KDM1B: variants seen among roughly 807,000 people sequenced by gnomAD.
KDM1B encodes lysine-specific histone demethylase 2.
Under a neutral mutation model 107.4 loss-of-function variants are expected in KDM1B, and 63 were observed. The ratio of observed to expected loss-of-function variants is 0.59; its 90% confidence interval spans 0.48 to 0.72. The LOEUF is 0.72. KDM1B is among the 30% of genes least tolerant of loss of function. KDM1B has a pLI of 0.00. For synonymous variants in KDM1B, 363 were observed against 363.9 expected (o/e 1.00, Z 0.03); for missense variants, 749 against 1,020.8 (o/e 0.73, Z 3.63).
rs146349701 is a variant in KDM1B at position 18,208,190 on chromosome 6, G to A, written c.1850G>A (p.Gly617Glu). The A allele has an allele frequency of 5.6e-6, 9 of 1,613,226 alleles. No individual in the cohort carries two copies. In the South Asian group the frequency reaches 7.7e-5, roughly 14 times the overall value. ...CAGGTTACCACTACAGATGGCACAG[G>A]GTATTCTGCACAAAAGGTAAGAGCT... ...EVQVTTTDGT[G>E]YSAQKVLVTV... The change falls in exon 17 of 22, where the codon GGG becomes GAG. Residue 617 changes from glycine to glutamate, a missense_variant. Physicochemically the swap from Gly to Glu is moderately conservative, Grantham distance 98. Transcript: ENST00000650836.
Position 18,207,458 on chromosome 6 carries a change from C to G in KDM1B, c.1720C>G (p.Leu574Val), listed in dbSNP as rs1343868573. ...FFAQFAGDHT[L>V]LTPGYSVIIE... ...TGCCCAGTTTGCTGGTGACCACACT[C>G]TGCTAACTCCCGGGTACTCGGTGAT... The change falls in exon 16 of 22, where the codon CTG becomes GTG. Residue 574 changes from leucine (L) to valine (V), a missense_variant. By Grantham distance (32) the Leu-to-Val change is conservative. Coordinates refer to ENST00000650836, the MANE Select transcript of KDM1B (RefSeq NM_001364614.2). 1 of 1,614,128 alleles carries G rather than the reference C, an allele frequency of 6.2e-7. No individual in the cohort carries two copies. The highest frequency in any genetic ancestry group is 8.5e-7 in the Non-Finnish European group (1 of 1,180,046).
chr6:18,188,139 C>G, intron 9 of KDM1B, 137 bp downstream of exon 9: 1 of 777,494 alleles, frequency 1.3e-6, no homozygotes, highest in Non-Finnish European at 2.1e-6. Context: ...AATCCCAGCA[C>G]TTTGGGTGGC....
In KDM1B at chr6:18,166,396, C is replaced by G. The variant is rs1554141049; in HGVS notation, c.417+18C>G. 4 of 1,421,158 alleles carry G rather than the reference C, an allele frequency of 2.8e-6. No homozygotes were observed. Among genetic ancestry groups the G allele is most frequent in the Non-Finnish European group, 4.0e-6 (4 of 1,004,840 alleles). 88.0% of individuals were successfully genotyped at this position (1,421,158 alleles called of 1,614,324 possible). ...CCTACTGGGTAAGGAGAGTGATGCT[C>G]TCTGTCTGTGAAGTATTTGTGGAGC... is the stretch of plus-strand genomic sequence containing the variant. On this transcript the variant is annotated intron_variant, in intron 6 of 21. Coordinates refer to ENST00000650836, the MANE Select transcript of KDM1B (RefSeq NM_001364614.2).
Position 18,159,199 on chromosome 6 carries a change from C to T in KDM1B, c.-13-684C>T, listed in dbSNP as rs1424666506. Reference sequence around the variant, plus strand: ...GTCAGACTGGTCTCGAACTCCTGACCTCATGATCCGCCTGCCTGGGCCTTG... The same window carrying T: ...GTCAGACTGGTCTCGAACTCCTGACTTCATGATCCGCCTGCCTGGGCCTTG... On this transcript the variant is annotated intron_variant, in intron 2 of 21. Transcript: ENST00000650836. This position sits in a 1 kb window ranked among gnomAD's most constrained non-coding sequence, Gnocchi z 4.5. Among the ~76,000 whole-genome samples the T allele has an allele frequency of 1.3e-5, 2 of 152,158 alleles. No individual in the cohort carries two copies. Among genetic ancestry groups the T allele is most frequent in the Non-Finnish European group, 2.9e-5 (2 of 68,022 alleles).
chr6:18,207,602 A>C lies in KDM1B; in HGVS notation c.1791+73A>C, dbSNP rs531203720. 3.8e-6 allele frequency: 6 copies of C among 1,580,992 alleles called. 1 individual carries two copies. In the South Asian group the frequency reaches 5.6e-5, roughly 15 times the overall value. On this transcript the variant is annotated intron_variant, in intron 16 of 21. Transcript: ENST00000650836. ...ATGTGAAGTTCTGGGCATGCGGCTC[A>C]CGCAGGAGAATGGGGCTGGCTTTGG...
intron 3 of KDM1B, among the ~76,000 whole-genome samples, chr6:18,160,738 A>C (rs1384432521): frequency 5.0e-5 from 3 of 59,688 alleles, no homozygotes; most frequent in Admixed American, 4.6e-4. Context: ...ACTCTGTCTC[A>C]AAAAAAAAAA....
rs1292619008 is a variant in KDM1B, at chr6:18,212,522, A to C, written c.1901A>C (p.Lys634Thr). 29 of 1,614,072 alleles carry C rather than the reference A, an allele frequency of 1.8e-5. No individual in the cohort carries two copies. The highest frequency in any genetic ancestry group is 1.6e-4 in the Middle Eastern group (1 of 6,062). Residue 634 changes from lysine (K) to threonine (T), a missense_variant, in exon 18 of 22, where the codon AAA becomes ACA. Coordinates refer to ENST00000650836, the MANE Select transcript of KDM1B (RefSeq NM_001364614.2). The surrounding 1 kb of genome is among the most constrained non-coding windows in gnomAD (Gnocchi z 5.2). ...LVTVPLALLQ[K>T]GAIQFNPPLS... ...ACTGTACCACTGGCTTTACTACAGAAAGGTGCCATTCAGTTTAATCCACCG... is the reference window on the plus strand; with the variant it reads ...ACTGTACCACTGGCTTTACTACAGACAGGTGCCATTCAGTTTAATCCACCG...
Position 18,212,460 on chromosome 6 carries a change from T to C in KDM1B, c.1867-28T>C, listed in dbSNP as rs1788916813. On this transcript the variant is annotated intron_variant, in intron 17 of 21. Coordinates refer to ENST00000650836, the MANE Select transcript of KDM1B (RefSeq NM_001364614.2). This position sits in a 1 kb window ranked among gnomAD's most constrained non-coding sequence, Gnocchi z 5.2. ...TAGTGTGAGGTTCTGTTGCTGTTTG[T>C]TTGTTAACTGTTAATTATTTTCCAC... 2.2e-6 allele frequency: 3 copies of C among 1,349,242 alleles called. No homozygotes were observed. Among genetic ancestry groups the C allele is most frequent in the Non-Finnish European group, 2.1e-6 (2 of 938,228 alleles). The allele number at this position is 1,349,242 out of a possible 1,614,324, so 83.6% of individuals were successfully genotyped here. A position where few individuals can be genotyped will look rare whatever the true frequency, so the allele number is the denominator to read the frequency against.
chr6:18,163,089 G>C (rs1785072283), intron 5 of KDM1B, among the ~76,000 whole-genome samples, 165 bp downstream of exon 5: 1 of 151,640 alleles, frequency 6.6e-6, no homozygotes, highest in African/African-American at 2.4e-5. Flanking sequence ...TGATGTTGTA[G>C]TTTGTGTGCA....
rs569497082 is a variant in KDM1B, at chr6:18,220,844, T to C, written c.2386-1065T>C. Reference sequence around the variant, plus strand: ...TGGAGTGCAGTGGCGCGATCTTGGCTCACTGCAACCTCCGCCACCTGCGTT... The same window carrying C: ...TGGAGTGCAGTGGCGCGATCTTGGCCCACTGCAACCTCCGCCACCTGCGTT... On this transcript the variant is annotated intron_variant, in intron 21 of 21. Transcript: ENST00000650836. 2.5e-4 allele frequency among the ~76,000 whole-genome samples: 38 copies of C among 151,014 alleles called. No homozygotes were observed. The Middle Eastern group carries it at 0.017, about 68-fold the overall frequency.
intron 7 of KDM1B, among the ~76,000 whole-genome samples, chr6:18,177,519 G>C (rs1357477079): frequency 6.7e-6 from 1 of 148,820 alleles, no homozygotes; most frequent in Non-Finnish European, 1.5e-5. Context: ...GTTTGTTCCT[G>C]TTTCTCTAGT....
intron 9 of KDM1B, among the ~76,000 whole-genome samples, chr6:18,189,670 A>G (rs770162646): frequency 6.6e-6 from 1 of 152,256 alleles, no homozygotes; most frequent in African/African-American, 2.4e-5. Context: ...CGGCACTTTC[A>G]TAACATTTTT....
Position 18,207,542 on chromosome 6 carries a change from T to TTGA in KDM1B, c.1791+13_1791+14insTGA. 6.2e-7 allele frequency: 1 copy of TTGA among 1,613,834 alleles called. No homozygotes were observed. The highest frequency in any genetic ancestry group is 8.5e-7 in the Non-Finnish European group (1 of 1,179,676). ...ACTCAAATCTCCAGTGAGTATCAAC[T>TTGA]GCTGGGAGGCTCTGGCTCGCCTTGT... On this transcript the variant is annotated intron_variant, in intron 16 of 21. Transcript: ENST00000650836.
chr6:18,178,756 G>A (rs1298268437), intron 7 of KDM1B, among the ~76,000 whole-genome samples: 1 of 152,180 alleles, frequency 6.6e-6, no homozygotes, highest in Non-Finnish European at 1.5e-5. Context: ...AAACACAATT[G>A]ACTTGTATAT....
In KDM1B at chr6:18,222,445, A is replaced by T. The variant is rs1387303790; in HGVS notation, c.*453A>T. On this transcript the variant is annotated 3_prime_UTR_variant, in exon 22 of 22. Transcript: ENST00000650836. ...ATCAGTATCTTTACCAATGAGCCTT[A>T]ATTTTTATATAGGTCCAATATTGAG... 3.6e-6 allele frequency: 1 copy of T among 278,382 alleles called. No homozygotes were observed. The highest frequency in any genetic ancestry group is 7.1e-6 in the Non-Finnish European group (1 of 141,266). 17.2% of individuals were successfully genotyped at this position (278,382 alleles called of 1,614,324 possible).
chr6:18,222,046 C>CA lies in KDM1B; in HGVS notation c.*55dup, dbSNP rs764122013. On this transcript the variant is annotated 3_prime_UTR_variant, in exon 22 of 22. Transcript: ENST00000650836. ...ACCCCAGATGGGGAAATTTGAATCA[C>CA]ATGTTAAACCTCAGTTTTATAAGAG... is the stretch of plus-strand genomic sequence containing the variant. 7 of 1,474,162 alleles carry CA rather than the reference C, an allele frequency of 4.7e-6. No individual in the cohort carries two copies. Among genetic ancestry groups the CA allele is most frequent in the Non-Finnish European group, 5.7e-6 (6 of 1,052,454 alleles). The allele number at this position is 1,474,162 out of a possible 1,614,324, so 91.3% of individuals were successfully genotyped here. A position where few individuals can be genotyped will look rare whatever the true frequency, so the allele number is the denominator to read the frequency against.
chr6:18,184,324 G>T (rs1786689509), intron 7 of KDM1B, among the ~76,000 whole-genome samples: 1 of 144,316 alleles, frequency 6.9e-6, no homozygotes, highest in South Asian at 2.3e-4. Flanking sequence ...GCCCAGGCTG[G>T]AGTTCAGTGT....
intron 21 of KDM1B, among the ~76,000 whole-genome samples, chr6:18,220,842 G>T (rs550997998): frequency 1.3e-5 from 2 of 150,716 alleles, no homozygotes; most frequent in African/African-American, 4.9e-5. Flanking sequence ...CGCGATCTTG[G>T]CTCACTGCAA....
intron 12 of KDM1B, among the ~76,000 whole-genome samples, chr6:18,199,885 T>C (rs1406166847): frequency 6.6e-6 from 1 of 152,184 alleles, no homozygotes; most frequent in Non-Finnish European, 1.5e-5. Flanking sequence ...TCATTAAATC[T>C]TTTTGTTTTT....
Sources: allele counts gnomAD v4.1 joint callset (sites outside exome capture counted in the v4.1 genomes callset), GRCh38; gene constraint gnomAD v4.1.1; non-coding constraint Gnocchi (gnomAD v3.1); transcripts MANE v1.5; gene names NCBI Gene and HGNC (gene_info 2026-07-23, HGNC 2026-07-21).